RGS3: variants seen among roughly 807,000 people sequenced by gnomAD.
RGS3 encodes the protein regulator of G-protein signalling 3.
A neutral mutation model predicts 132.6 loss-of-function variants in RGS3; 80 were observed. That is an observed-to-expected ratio of 0.60 (90% confidence interval 0.50 to 0.73). The LOEUF is 0.73. Ranked by LOEUF, RGS3 falls within the 30% of genes least tolerant of loss-of-function variation. The pLI, the probability that RGS3 is intolerant of heterozygous loss-of-function variation, is 0.00. For synonymous variants in RGS3, 598 were observed against 620.6 expected (o/e 0.96, Z 0.54); for missense variants, 1,382 against 1,530.8 (o/e 0.90, Z 1.62).
intron 19 of RGS3, among the ~76,000 whole-genome samples, chr9:113,547,004 T>C (rs1360991128): frequency 6.6e-6 from 1 of 152,208 alleles, no homozygotes; most frequent in Non-Finnish European, 1.5e-5. Context: ...AGTCATCTGA[T>C]TCCAGAATAT....
At chr9:113,448,260 G>A (rs541031031) in intron 1 of RGS3, among the ~76,000 whole-genome samples, 97 of 152,172 alleles carry the variant, frequency 6.4e-4, no homozygotes, top group South Asian at 2.1e-3. Flanking sequence ...TTAGGATCAA[G>A]CCTAACCTCT....
intron 1 of RGS3, among the ~76,000 whole-genome samples, chr9:113,448,072 G>C (rs561838688): frequency 1.6e-4 from 24 of 151,972 alleles, no homozygotes; most frequent in Non-Finnish European, 2.8e-4. Context: ...TGCCCAGGCT[G>C]ATCTCAAACT....
At position 113,584,262 on chromosome 9, in the gene RGS3, GC is replaced by G. The variant is rs1564610089; in HGVS notation, c.2854del (p.Arg952GlufsTer55). On this transcript the variant is annotated frameshift_variant, in exon 20 of 25. Coordinates refer to ENST00000350696, the Ensembl canonical transcript of RGS3. LOFTEE classifies it high-confidence loss of function. Reference sequence around the variant, plus strand: ...ACAGCGAGGGCAGCCTGCTGCAGGAGCCCCGAGGGCCCTGCTTTGCCTCCGA... The same window carrying G: ...ACAGCGAGGGCAGCCTGCTGCAGGAGCCCGAGGGCCCTGCTTTGCCTCCGA... 2 of 1,612,336 alleles carry G rather than the reference GC, an allele frequency of 1.2e-6. No individual in the cohort carries two copies. Among genetic ancestry groups the G allele is most frequent in the Non-Finnish European group, 1.7e-6 (2 of 1,179,416 alleles).
chr9:113,447,945 C>T (rs1829150257), intron 1 of RGS3, among the ~76,000 whole-genome samples: 1 of 151,454 alleles, frequency 6.6e-6, no homozygotes, highest in South Asian at 2.1e-4. Context: ...GCAGCCTCGA[C>T]CTCCTGGGTT....
intron 1 of RGS3, among the ~76,000 whole-genome samples, chr9:113,447,687 C>G (rs1192468485): frequency 6.6e-6 from 1 of 151,852 alleles, no homozygotes; most frequent in African/African-American, 2.4e-5. Context: ...TTTGTGTGAT[C>G]ATCTTTGACC....
Position 113,594,322 on chromosome 9 carries a change from C to T in RGS3, c.3081-108C>T, listed in dbSNP as rs564331467. Reference sequence around the variant, plus strand: ...CACTCGCAACGGGAACCTGCAGAGGCGACACACGATGAAGGAGTAGGTGCC... The same window carrying T: ...CACTCGCAACGGGAACCTGCAGAGGTGACACACGATGAAGGAGTAGGTGCC... On this transcript the variant is annotated intron_variant, in intron 21 of 24. Transcript: ENST00000350696. The T allele has an allele frequency of 7.7e-5, 123 of 1,591,286 alleles. 2 individuals are homozygous for T. In the South Asian group the frequency reaches 1.0e-3, roughly 14 times the overall value.
intron 8 of RGS3, among the ~76,000 whole-genome samples, chr9:113,496,575 G>T (rs1202064799): frequency 6.6e-6 from 1 of 151,812 alleles, no homozygotes; most frequent in Non-Finnish European, 1.5e-5. Flanking sequence ...TTTTGAGACG[G>T]AGTCTCACTC....
At chr9:113,536,515 C>T in intron 18 of RGS3, 1 of 1,185,278 alleles carries the variant, frequency 8.4e-7, no homozygotes, top group Non-Finnish European at 1.1e-6. Context: ...TCGGCTCTGT[C>T]CTGCTCTCCA....
intron 3 of RGS3, among the ~76,000 whole-genome samples, chr9:113,467,539 G>A (rs992198578): frequency 3.3e-5 from 5 of 152,178 alleles, no homozygotes; most frequent in Non-Finnish European, 5.9e-5. Context: ...GGAGAAGAAT[G>A]TATTCAGATC....
intron 19 of RGS3, among the ~76,000 whole-genome samples, chr9:113,554,866 A>AT (rs1010200743): frequency 2.0e-5 from 3 of 152,038 alleles, no homozygotes; most frequent in African/African-American, 7.2e-5. Flanking sequence ...GAGCACCTAT[A>AT]TTTTCTAAGG....
intron 20 of RGS3, among the ~76,000 whole-genome samples, chr9:113,585,307 T>C (rs1471471430): frequency 2.0e-5 from 3 of 152,252 alleles, no homozygotes; most frequent in Non-Finnish European, 4.4e-5. Context: ...GCCATAGTTT[T>C]CTTCTCTGAA....
At position 113,591,230 on chromosome 9, in the gene RGS3, G is replaced by A; in HGVS notation, c.3016-103G>A. 2 of 1,023,168 alleles carry A rather than the reference G, an allele frequency of 2.0e-6. No homozygotes were observed. Among genetic ancestry groups the A allele is most frequent in the East Asian group, 2.4e-5 (1 of 41,562 alleles). The allele number at this position is 1,023,168 out of a possible 1,614,324, so 63.4% of individuals were successfully genotyped here. On this transcript the variant is annotated intron_variant, in intron 20 of 24. Transcript: ENST00000350696. This position sits in a 1 kb window ranked among gnomAD's most constrained non-coding sequence, Gnocchi z 4.4. Reference sequence around the variant, plus strand: ...TGCCGCGGGTGGGGGCTTTGGGGATGGAAGGGGCTGGTGGCAGGGAATGTT... The same window carrying A: ...TGCCGCGGGTGGGGGCTTTGGGGATAGAAGGGGCTGGTGGCAGGGAATGTT...
chr9:113,463,587 T>TC lies in RGS3; in HGVS notation c.415+1391dup. The TC allele has an allele frequency of 1.9e-6, 1 of 536,298 alleles. No individual in the cohort carries two copies. The highest frequency in any genetic ancestry group is 2.7e-6 in the Non-Finnish European group (1 of 373,856). The allele number at this position is 536,298 out of a possible 1,614,324, so 33.2% of individuals were successfully genotyped here. Reference sequence around the variant, plus strand: ...CTCAGCGCGGGTCGGCGGCGCCGCCTCCCCCACCCCGGCCCAGCTCTGCTC... The same window carrying TC: ...CTCAGCGCGGGTCGGCGGCGCCGCCTCCCCCCACCCCGGCCCAGCTCTGCTC... On this transcript the variant is annotated intron_variant, in intron 3 of 24. Transcript: ENST00000350696. The surrounding 1 kb of genome is among the most constrained non-coding windows in gnomAD (Gnocchi z 4.6).
rs768053150 is a variant in RGS3, at chr9:113,463,816, T to G, written c.415+1615T>G. The G allele has an allele frequency of 1.2e-6, 2 of 1,612,590 alleles. No homozygotes were observed. Among genetic ancestry groups the G allele is most frequent in the South Asian group, 1.1e-5 (1 of 90,984 alleles). On this transcript the variant is annotated intron_variant, in intron 3 of 24. Coordinates refer to ENST00000350696, the Ensembl canonical transcript of RGS3. This position sits in a 1 kb window ranked among gnomAD's most constrained non-coding sequence, Gnocchi z 4.6. ...CAGTGGGACGCCATGGAGCGCTCCC[T>G]GCACCGCGTCTCCCTCGGGAGCCGG...
intron 17 of RGS3, among the ~76,000 whole-genome samples, chr9:113,528,071 G>A (rs1832295563): frequency 6.6e-6 from 1 of 152,164 alleles, no homozygotes; most frequent in Non-Finnish European, 1.5e-5. Context: ...GGTGAAAAGA[G>A]CCCTGTCTTC....
At chr9:113,471,395 C>G (rs909062513) in intron 3 of RGS3, among the ~76,000 whole-genome samples, 1 of 152,144 alleles carries the variant, frequency 6.6e-6, no homozygotes, top group African/African-American at 2.4e-5. Context: ...CACTAGGTTT[C>G]CTTCTACAGT....
chr9:113,507,996 A>G lies in RGS3; in HGVS notation c.1437+358A>G, dbSNP rs938311386. On this transcript the variant is annotated intron_variant, in intron 13 of 24. Coordinates refer to ENST00000350696, the Ensembl canonical transcript of RGS3. The surrounding 1 kb of genome is among the most constrained non-coding windows in gnomAD (Gnocchi z 5.0). ...ATGAAAGCAGACACTGCATGATTGC[A>G]TGGTGGGATGATGGAGTGCGCTCCC... Among the ~76,000 whole-genome samples, 4 of 152,204 alleles carry G rather than the reference A, an allele frequency of 2.6e-5. No homozygotes were observed. The highest frequency in any genetic ancestry group is 1.3e-4 in the Admixed American group (2 of 15,280).
At chr9:113,493,534 C>A (rs150060410) in intron 7 of RGS3, among the ~76,000 whole-genome samples, 1 of 152,256 alleles carries the variant, frequency 6.6e-6, no homozygotes, top group African/African-American at 2.4e-5. Context: ...CAGCATCCTG[C>A]CTCCCCACCC....
At chr9:113,552,322 T>C (rs1382409764) in intron 19 of RGS3, among the ~76,000 whole-genome samples, 2 of 152,170 alleles carry the variant, frequency 1.3e-5, no homozygotes, top group East Asian at 3.9e-4. Flanking sequence ...TTTATTTATT[T>C]ATTTATTTTT....
Sources: gnomAD v4.1 joint callset for allele counts (sites outside exome capture counted in the v4.1 genomes callset) on GRCh38, gnomAD v4.1.1 for gene constraint, Gnocchi (gnomAD v3.1) non-coding constraint, MANE v1.5 for transcripts, NCBI Gene and HGNC (gene_info 2026-07-23, HGNC 2026-07-21) for gene names.